WHRN: variants seen among roughly 807,000 people sequenced by gnomAD.
WHRN encodes CASK-interacting protein CIP98.
A neutral mutation model predicts 68.3 loss-of-function variants in WHRN; 41 were observed. That is an observed-to-expected ratio of 0.60 (90% confidence interval 0.47 to 0.78). The LOEUF is 0.78. WHRN is among the 30% of genes least tolerant of loss of function. The pLI, the probability that WHRN is intolerant of heterozygous loss-of-function variation, is 0.00. For missense variants in WHRN, 1,243 were observed against 1,244.7 expected, an observed-to-expected ratio of 1.00 and a Z score of 0.02; for synonymous variants, 560 against 561.3, an observed-to-expected ratio of 1.00 and a Z score of 0.03.
chr9:114,442,940 A>T (rs1564159703), intron 3 of WHRN, among the ~76,000 whole-genome samples: 1 of 152,226 alleles, frequency 6.6e-6, no homozygotes, highest in Non-Finnish European at 1.5e-5. Flanking sequence ...AAATAAAAAG[A>T]TTTAAACAAA....
intron 3 of WHRN, among the ~76,000 whole-genome samples, chr9:114,460,508 G>A (rs1840156387): frequency 6.6e-6 from 1 of 152,220 alleles, no homozygotes. Context: ...AACAAAGGAG[G>A]TTTTGTGGTC....
rs370908272 is a variant in WHRN, at chr9:114,478,730, T to C, written c.660A>G (p.Ser220=). 2 of 1,612,786 alleles carry C rather than the reference T, an allele frequency of 1.2e-6. No homozygotes were observed. The highest frequency in any genetic ancestry group is 1.7e-6 in the Non-Finnish European group (2 of 1,179,994). The change falls in exon 2 of 12, where the codon TCA becomes TCG. Residue 220 remains serine, a synonymous_variant. Coordinates refer to ENST00000362057, the MANE Select transcript of WHRN (RefSeq NM_015404.4). The part of the protein sequence containing the change: ...GSKKLVLSVY[S]AGRIPGGYVT... ...CGTAGCCCCCAGGGATGCGCCCTGC[T>C]GAGTACACAGACAGCACCAGCTTCT...
chr9:114,465,745 C>G (rs1840627445), intron 3 of WHRN, among the ~76,000 whole-genome samples: 1 of 152,212 alleles, frequency 6.6e-6, no homozygotes, highest in Middle Eastern at 3.2e-3. Flanking sequence ...TAACCTATGT[C>G]TCAGTTTCCC....
intron 3 of WHRN, among the ~76,000 whole-genome samples, chr9:114,447,734 GTCAC>G (rs1178263769): frequency 6.8e-6 from 1 of 147,512 alleles, no homozygotes; most frequent in African/African-American, 2.5e-5. Context: ...GTCTCTCTCT[GTCAC>G]TCACTTTCTC....
At chr9:114,489,946 ATTG>A (rs1842845997) in intron 1 of WHRN, among the ~76,000 whole-genome samples, 1 of 152,198 alleles carries the variant, frequency 6.6e-6, no homozygotes. Context: ...AAGTCCAAAA[ATTG>A]TTATTCTTAT....
intron 2 of WHRN, among the ~76,000 whole-genome samples, chr9:114,477,132 C>T (rs1295798715): frequency 1.3e-5 from 2 of 152,214 alleles, no homozygotes; most frequent in Non-Finnish European, 2.9e-5. Flanking sequence ...CTGCCGCTCA[C>T]CTCCAATAGA....
chr9:114,485,569 G>A (rs1423889306), intron 1 of WHRN, among the ~76,000 whole-genome samples: 1 of 152,168 alleles, frequency 6.6e-6, no homozygotes, highest in African/African-American at 2.4e-5. Flanking sequence ...GCGGGTGGCT[G>A]TAATCCCAGC....
chr9:114,450,919 C>T (rs1340248588), intron 3 of WHRN, among the ~76,000 whole-genome samples: 1 of 152,128 alleles, frequency 6.6e-6, no homozygotes, highest in East Asian at 1.9e-4. Context: ...GGCCCATGCT[C>T]TCATGTGGGA....
chr9:114,438,246 T>G (rs571240072), intron 3 of WHRN, among the ~76,000 whole-genome samples: 2 of 151,768 alleles, frequency 1.3e-5, no homozygotes, highest in African/African-American at 4.8e-5. Flanking sequence ...GCTGGGTGAG[T>G]GAGACAGATT....
chr9:114,462,472 CAGCCGGTCAGTGG>C (rs1564183699), intron 3 of WHRN, among the ~76,000 whole-genome samples: 1 of 152,190 alleles, frequency 6.6e-6, no homozygotes, highest in African/African-American at 2.4e-5. Flanking sequence ...CACCTTCACA[CAGCCGGTCAGTGG>C]AGGCCCCAGG....
intron 3 of WHRN, among the ~76,000 whole-genome samples, chr9:114,439,269 C>G (rs1838163669): frequency 6.6e-6 from 1 of 152,110 alleles, no homozygotes; most frequent in Non-Finnish European, 1.5e-5. Flanking sequence ...TCAATGCCAG[C>G]AAAAACAAAT....
intron 3 of WHRN, among the ~76,000 whole-genome samples, chr9:114,434,779 T>C (rs1322985156): frequency 6.6e-6 from 1 of 152,178 alleles, no homozygotes; most frequent in Non-Finnish European, 1.5e-5. Context: ...AGAAGACAGA[T>C]TCATTTAAAC....
chr9:114,429,523 A>G (rs1404990045), intron 3 of WHRN, among the ~76,000 whole-genome samples: 3 of 152,188 alleles, frequency 2.0e-5, no homozygotes, highest in Admixed American at 6.5e-5. Flanking sequence ...ACATGCTTTC[A>G]CCATGCCCCC....
chr9:114,484,199 C>A (rs1283382128), intron 1 of WHRN, among the ~76,000 whole-genome samples: 2 of 152,196 alleles, frequency 1.3e-5, no homozygotes, highest in African/African-American at 4.8e-5. Flanking sequence ...GACTTGAAGG[C>A]CAGAGGGCTG....
At chr9:114,465,742 T>C (rs1840627203) in intron 3 of WHRN, among the ~76,000 whole-genome samples, 1 of 152,210 alleles carries the variant, frequency 6.6e-6, no homozygotes, top group South Asian at 2.1e-4. Context: ...GTTTAACCTA[T>C]GTCTCAGTTT....
Position 114,424,975 on chromosome 9 carries a change from G to A in WHRN, c.1203+13C>T. 6.2e-7 allele frequency: 1 copy of A among 1,613,928 alleles called. No individual in the cohort carries two copies. Among genetic ancestry groups the A allele is most frequent in the Non-Finnish European group, 8.5e-7 (1 of 1,179,780 alleles). On this transcript the variant is annotated intron_variant, in intron 5 of 11. Coordinates refer to ENST00000362057, the MANE Select transcript of WHRN (RefSeq NM_015404.4). ...GTGAGGAAGCAGAGAATACCCCTTA[G>A]AGGATGTCCTACCTTGTTTATTCCT...
chr9:114,503,297 T>C (rs1159320922), intron 1 of WHRN: 36 of 675,252 alleles, frequency 5.3e-5, no homozygotes, highest in Middle Eastern at 7.5e-4. Flanking sequence ...GTGTCCCTTT[T>C]CCCCCAAACT....
chr9:114,410,815 G>A (rs1425396736), intron 7 of WHRN, among the ~76,000 whole-genome samples: 1 of 152,224 alleles, frequency 6.6e-6, no homozygotes, highest in Non-Finnish European at 1.5e-5. Flanking sequence ...ATGCAAGCGC[G>A]GTATGTGGTG....
chr9:114,478,161 G>A (rs1016996363), intron 2 of WHRN, among the ~76,000 whole-genome samples: 1 of 151,942 alleles, frequency 6.6e-6, no homozygotes, highest in East Asian at 1.9e-4. Context: ...GGTGGTGCAC[G>A]CCTGTAATCC....
Sources: allele counts gnomAD v4.1 joint callset (sites outside exome capture counted in the v4.1 genomes callset), GRCh38; gene constraint gnomAD v4.1.1; transcripts MANE v1.5; gene names NCBI Gene and HGNC (gene_info 2026-07-23, HGNC 2026-07-21).